The following SIGIRR variants were observed in gnomAD, a reference collection of about 807,000 sequenced individuals.
The protein encoded by SIGIRR is single Ig and TIR domain containing, also known as single Ig IL-1-related receptor.
A neutral mutation model predicts 45.6 loss-of-function variants in SIGIRR; 41 were observed. The ratio of observed to expected loss-of-function variants is 0.90; its 90% CI spans 0.70 to 1.17. The LOEUF (loss-of-function observed/expected upper bound fraction) is 1.17, where lower values mean the gene tolerates loss of function less well. Among genes scored for constraint, SIGIRR ranks in the 50% most tolerant of loss-of-function variants. The pLI is 0.00. For synonymous variants in SIGIRR, 298 were observed against 239.0 expected (o/e 1.25, Z -2.28); for missense variants, 599 against 539.6 (o/e 1.11, Z -1.09).
At position 407,859 on chromosome 11, in the gene SIGIRR, G is replaced by A; in HGVS notation, c.439C>T (p.Leu147=). ...LLYVKCRLNV[L]LWYQDAYGEV... ...CCATACGCGTCCTGGTACCAGAGCA[G>A]CACGTTGAGACGGCACTTGACATAG... Residue 147 remains leucine (L), a synonymous_variant, in exon 5 of 10, where the codon CTG becomes TTG. Transcript: ENST00000431843. The A allele has an allele frequency of 6.2e-7, 1 of 1,612,622 alleles. No homozygotes were observed. Among genetic ancestry groups the A allele is most frequent in the Non-Finnish European group, 8.5e-7 (1 of 1,179,856 alleles).
chr11:407,119 A>ATCTACACCTTCT lies in SIGIRR; in HGVS notation c.670_671insAGAAGGTGTAGA (p.Leu224delinsGlnLysValTer). On this transcript the variant is annotated stop_gained and protein_altering_variant, in exon 7 of 10. Coordinates refer to ENST00000431843, the MANE Select transcript of SIGIRR (RefSeq NM_001135054.2). LOFTEE classifies it high-confidence loss of function. ...GAAGGCGTCCGAAAGCACCACGATG[A>ATCTACACCTTCT]GGCGTCGGCAGCGGCTCAGGTTCAC... The ATCTACACCTTCT allele has an allele frequency of 6.6e-7, 1 of 1,520,580 alleles. No individual in the cohort carries two copies. The highest frequency in any genetic ancestry group is 8.8e-7 in the Non-Finnish European group (1 of 1,139,830). 94.2% of individuals were successfully genotyped at this position (1,520,580 alleles called of 1,614,324 possible). A position where few individuals can be genotyped will look rare whatever the true frequency, so the allele number is the denominator to read the frequency against.
At chr11:416,562 C>A (rs1012219979), upstream of SIGIRR, among the ~76,000 whole-genome samples, 2 of 152,190 alleles carry the variant, frequency 1.3e-5, no homozygotes, top group East Asian at 3.9e-4. The surrounding 1 kb of genome is among the most constrained non-coding windows in gnomAD (Gnocchi z 9.1). Flanking sequence ...TCAGACCCAG[C>A]CAGCGTCCTC....
At chr11:412,790 C>A (rs1847725186) in intron 1 of SIGIRR, among the ~76,000 whole-genome samples, 1 of 152,084 alleles carries the variant, frequency 6.6e-6, no homozygotes, top group Non-Finnish European at 1.5e-5. Flanking sequence ...AGCACAGACA[C>A]CTCGAAACAC....
upstream of SIGIRR, among the ~76,000 whole-genome samples, chr11:416,770 G>A (rs895404425): frequency 2.0e-5 from 3 of 152,130 alleles, no homozygotes; most frequent in Non-Finnish European, 2.9e-5. This position sits in a 1 kb window ranked among gnomAD's most constrained non-coding sequence, Gnocchi z 9.1. Context: ...CCTACCCCGC[G>A]CCCACCTGCG....
At chr11:412,131 GA>G (rs1403396398) in intron 1 of SIGIRR, among the ~76,000 whole-genome samples, 1 of 32,574 alleles carries the variant, frequency 3.1e-5, no homozygotes, top group Non-Finnish European at 7.1e-5. Flanking sequence ...CAGTCGGGGG[GA>G]GGTGCCCAGC....
chr11:409,530 C>G lies in SIGIRR; in HGVS notation c.7+338G>C, dbSNP rs1847495984. ...AGGGTGATGAGCCCTAGCGGGAGGT[C>G]AAACCACCATCTTCTCAGTAGGGTA... On this transcript the variant is annotated intron_variant, in intron 2 of 9. Coordinates refer to ENST00000431843, the MANE Select transcript of SIGIRR (RefSeq NM_001135054.2). 7.9e-6 allele frequency: 3 copies of G among 381,452 alleles called. No homozygotes were observed. The East Asian group carries it at 1.2e-4, about 15-fold the overall frequency. 23.6% of individuals were successfully genotyped at this position (381,452 alleles called of 1,614,324 possible). A position where few individuals can be genotyped will look rare whatever the true frequency, so the allele number is the denominator to read the frequency against.
In SIGIRR at chr11:406,548, A is replaced by C; in HGVS notation, c.880-10T>G. ...AATCGGAGGAAGGAGTCTGGGGGCC[A>C]GGTCGGGGCGGTTTGCAGGTGTGAA... On this transcript the variant is annotated splice_polypyrimidine_tract_variant and intron_variant, in intron 8 of 9. Coordinates refer to ENST00000431843, the MANE Select transcript of SIGIRR (RefSeq NM_001135054.2). 1 of 1,603,528 alleles carries C rather than the reference A, an allele frequency of 6.2e-7. No homozygotes were observed. The highest frequency in any genetic ancestry group is 8.5e-7 in the Non-Finnish European group (1 of 1,174,060).
chr11:409,771 T>G (rs375962015), intron 2 of SIGIRR, 97 bp downstream of exon 2: 1 of 1,291,898 alleles, frequency 7.7e-7, no homozygotes, highest in Non-Finnish European at 1.0e-6. Flanking sequence ...CCAGGCAGAG[T>G]GCCTGGGATA....
In SIGIRR at chr11:407,839, C is replaced by G. The variant is rs754600155; in HGVS notation, c.459G>C (p.Ala153=). The change falls in exon 5 of 10, where the codon GCG becomes GCC. Residue 153 remains alanine, a synonymous_variant. Transcript: ENST00000431843. The part of the protein sequence containing the change: ...RLNVLLWYQD[A]YGEVEINDGK... ...CACCGTTTATCTCCACCTCCCCATA[C>G]GCGTCCTGGTACCAGAGCAGCACGT... is the stretch of plus-strand genomic sequence containing the variant. The G allele has an allele frequency of 7.4e-6, 12 of 1,612,466 alleles. No individual in the cohort carries two copies. Among genetic ancestry groups the G allele is most frequent in the African/African-American group, 2.7e-5 (2 of 74,932 alleles).
Position 407,468 on chromosome 11 carries a change from G to A in SIGIRR, c.582C>T (p.Gly194=). The A allele has an allele frequency of 6.4e-7, 1 of 1,568,664 alleles. No individual in the cohort carries two copies. Among genetic ancestry groups the A allele is most frequent in the African/African-American group, 1.4e-5 (1 of 73,682 alleles). Residue 194 remains glycine (G), a synonymous_variant, in exon 6 of 10, where the codon GGC becomes GGT. Coordinates refer to ENST00000431843, the MANE Select transcript of SIGIRR (RefSeq NM_001135054.2). ...ILKPQLERRR[G]YKLFLDDRDL... ...CGCGGTCGTCCAGGAAGAGCTTGTA[G>A]CCCCGACGCCGCTCCAGCTGCGGCT...
chr11:407,723 C>A, intron 5 of SIGIRR, 94 bp downstream of exon 5: 1 of 1,577,768 alleles, frequency 6.3e-7, no homozygotes, highest in Non-Finnish European at 8.6e-7. Context: ...GGGGCTAACC[C>A]CTCCCCGCCG....
Position 407,956 on chromosome 11 carries a change from G to A in SIGIRR, c.342C>T (p.Gly114=). The change falls in exon 5 of 10, where the codon GGC becomes GGT. Residue 114 remains glycine (G), a splice_region_variant and synonymous_variant. Transcript: ENST00000431843. ...SFSSFTLQRA[G]PTSHVAAVLA... is the part of the protein sequence containing the mutation. ...GCACCGCAGCCACGTGGCTTGTAGGGCCTGCGGATGGGTTGCCTGAGCCGC... is the reference window on the plus strand; with the variant it reads ...GCACCGCAGCCACGTGGCTTGTAGGACCTGCGGATGGGTTGCCTGAGCCGC... The A allele has an allele frequency of 4.4e-6, 7 of 1,605,592 alleles. No homozygotes were observed. The highest frequency in any genetic ancestry group is 6.0e-6 in the Non-Finnish European group (7 of 1,175,704).
chr11:417,067 C>A (rs1327375564), upstream of SIGIRR, among the ~76,000 whole-genome samples: 1 of 152,226 alleles, frequency 6.6e-6, no homozygotes, highest in Non-Finnish European at 1.5e-5. This position sits in a 1 kb window ranked among gnomAD's most constrained non-coding sequence, Gnocchi z 4.2. Context: ...AAGCCGCTGA[C>A]CACGTCGGGC....
intron 3 of SIGIRR, 70 bp from the exon 4 acceptor site, chr11:408,276 G>T (rs1847444826): frequency 1.3e-6 from 2 of 1,568,310 alleles, no homozygotes; most frequent in Admixed American, 3.7e-5. Flanking sequence ...CCACCTGTCT[G>T]GGTTCACCCA....
chr11:409,879 C>G lies in SIGIRR; in HGVS notation c.-5G>C. On this transcript the variant is annotated 5_prime_UTR_variant, in exon 2 of 10. Transcript: ENST00000431843. ...TCTGACCTGCCTACCTGGCATGGCT[C>G]TGAGCCGGGGCCTCCTCGGGGCAGG... The G allele has an allele frequency of 7.5e-7, 1 of 1,328,874 alleles. No homozygotes were observed. Among genetic ancestry groups the G allele is most frequent in the Non-Finnish European group, 9.7e-7 (1 of 1,032,852 alleles). 82.3% of individuals were successfully genotyped at this position (1,328,874 alleles called of 1,614,324 possible).
chr11:407,110 A>G lies in SIGIRR; in HGVS notation c.680T>C (p.Val227Ala). ...NLSRCRRLIV[V>A]LSDAFLSRAW... ...CCGGCTCAGGAAGGCGTCCGAAAGCACCACGATGAGGCGTCGGCAGCGGCT... is the reference window on the plus strand; with the variant it reads ...CCGGCTCAGGAAGGCGTCCGAAAGCGCCACGATGAGGCGTCGGCAGCGGCT... Residue 227 changes from valine (V) to alanine (A), a missense_variant, in exon 7 of 10, where the codon GTG (valine) becomes GCG (alanine). Coordinates refer to ENST00000431843, the MANE Select transcript of SIGIRR (RefSeq NM_001135054.2). 3 of 1,513,348 alleles carry G rather than the reference A, an allele frequency of 2.0e-6. No homozygotes were observed. Among genetic ancestry groups the G allele is most frequent in the South Asian group, 1.3e-5 (1 of 76,688 alleles). 93.7% of individuals were successfully genotyped at this position (1,513,348 alleles called of 1,614,324 possible). A position where few individuals can be genotyped will look rare whatever the true frequency, so the allele number is the denominator to read the frequency against.
chr11:408,361 G>C (rs933203806), intron 3 of SIGIRR, among the ~76,000 whole-genome samples, 155 bp from the exon 4 acceptor site: 3 of 152,214 alleles, frequency 2.0e-5, no homozygotes, highest in Non-Finnish European at 4.4e-5. Flanking sequence ...ACCTGGAGGG[G>C]ATGCAGATTT....
chr11:417,334 G>A (rs1183038058), upstream of SIGIRR: 1 of 152,282 alleles, frequency 6.6e-6, no homozygotes, highest in East Asian at 1.9e-4. The surrounding 1 kb of genome is among the most constrained non-coding windows in gnomAD (Gnocchi z 4.2). Context: ...CCTGCTGCCA[G>A]GACCTGGGGC....
chr11:413,752 G>C (rs10902161), intron 1 of SIGIRR, among the ~76,000 whole-genome samples: 3 of 92,470 alleles, frequency 3.2e-5, no homozygotes, highest in South Asian at 3.7e-4. Flanking sequence ...TCTCCCCTAC[G>C]CACCTTCCCC....
Sources: allele counts gnomAD v4.1 joint callset (sites outside exome capture counted in the v4.1 genomes callset), GRCh38; gene constraint gnomAD v4.1.1; non-coding constraint Gnocchi (gnomAD v3.1); transcripts MANE v1.5; gene names NCBI Gene and HGNC (gene_info 2026-07-23, HGNC 2026-07-21).